ROS1: variants seen among roughly 807,000 people sequenced by gnomAD.
The protein encoded by ROS1 is ROS proto-oncogene 1, receptor tyrosine kinase.
Under a neutral mutation model 273.5 loss-of-function variants are expected in ROS1, and 263 were observed. That is an observed-to-expected ratio of 0.96 (90% CI 0.87 to 1.06). The LOEUF is 1.06. Ranked by LOEUF, ROS1 falls within the 50% of genes least tolerant of loss-of-function variation. ROS1 has a pLI of 0.00. For missense variants in ROS1, 2,833 were observed against 2,751.1 expected (o/e 1.03, Z -0.67); for synonymous variants, 1,008 against 954.1 (o/e 1.06, Z -1.04).
chr6:117,300,086 C>CTTTTTTTTTTTTTTTTTTTTTTTTTTTTT (rs10700318), intron 43 of ROS1, among the ~76,000 whole-genome samples: 1 of 31,836 alleles, frequency 3.1e-5, no homozygotes, highest in African/African-American at 1.3e-4. Flanking sequence ...CCAGGACAGG[C>CTTTTTTTTTTTTTTTTTTTTTTTTTTTTT]TTTTTTTTTT....
At chr6:117,389,243 C>G (rs1772844293) in intron 13 of ROS1, 107 bp downstream of exon 13, 4 of 1,318,280 alleles carry the variant, frequency 3.0e-6, no homozygotes. Context: ...TGGTTGATGA[C>G]TGAATAGCCA....
intron 42 of ROS1, among the ~76,000 whole-genome samples, chr6:117,301,949 T>C (rs887359771): frequency 6.6e-6 from 1 of 152,286 alleles, no homozygotes; most frequent in South Asian, 2.1e-4. Flanking sequence ...TAAGTAGTAT[T>C]CATTCATTCA....
In ROS1 at chr6:117,389,632, G is replaced by A. The variant is rs756348072; in HGVS notation, c.1504C>T (p.Arg502Cys). 1.4e-5 allele frequency: 23 copies of A among 1,614,070 alleles called. No individual in the cohort carries two copies. The highest frequency in any genetic ancestry group is 1.2e-4 in the South Asian group (11 of 91,084). ...CTTTTCACATCAGCAAAGGGGATGC[G>A]AGGTAGGATGAGATGGGAAGCAGAG... Reference protein sequence around the residue: ...DGSASHLILPRIPFADVKSFA... With the variant: ...DGSASHLILPCIPFADVKSFA... Residue 502 changes from arginine to cysteine, a missense_variant, in exon 13 of 44, where the codon CGC becomes TGC. Coordinates refer to ENST00000368507, the MANE Select transcript of ROS1 (RefSeq NM_001378902.1).
intron 27 of ROS1, among the ~76,000 whole-genome samples, chr6:117,350,629 A>G (rs1344554072): frequency 2.7e-5 from 4 of 148,270 alleles, no homozygotes; most frequent in Non-Finnish European, 4.5e-5. Context: ...TATTATACCT[A>G]TCTTACACCT....
rs1425381413 is a variant in ROS1, at chr6:117,347,044, C to T, written c.4304-2782G>A. Among the ~76,000 whole-genome samples, 8 of 152,272 alleles carry T rather than the reference C, an allele frequency of 5.3e-5. No homozygotes were observed. The East Asian group carries it at 1.5e-3, about 29-fold the overall frequency. On this transcript the variant is annotated intron_variant, in intron 27 of 43. Coordinates refer to ENST00000368507, the MANE Select transcript of ROS1 (RefSeq NM_001378902.1). ...TTCAATACTGTGATAGCTACCTATTCTAGGTCTTTTGCCTCTCCATATAAA... is the reference window on the plus strand; with the variant it reads ...TTCAATACTGTGATAGCTACCTATTTTAGGTCTTTTGCCTCTCCATATAAA...
intron 3 of ROS1, 59 bp downstream of exon 3, chr6:117,416,199 C>G (rs955247071): frequency 9.5e-7 from 1 of 1,053,460 alleles, no homozygotes. Context: ...AATCCTCTTA[C>G]ACAAATTTCC....
rs1420974283 is a variant in ROS1, at chr6:117,321,313, T to A, written c.5705A>T (p.Glu1902Val). 1 of 1,613,816 alleles carries A rather than the reference T, an allele frequency of 6.2e-7. No homozygotes were observed. The highest frequency in any genetic ancestry group is 8.5e-7 in the Non-Finnish European group (1 of 1,179,828). ...VLINEDKELAELRGLAAGVGL... is the reference protein window; with the variant it reads ...VLINEDKELAVLRGLAAGVGL... Reference sequence around the variant, plus strand: ...TACTCCGGCTGCCAGACCTCGCAGCTCAGCCAACTCTTTGTCTTCGTTTAT... The same window carrying A: ...TACTCCGGCTGCCAGACCTCGCAGCACAGCCAACTCTTTGTCTTCGTTTAT... Residue 1902 changes from glutamate (E) to valine (V), a missense_variant, in exon 36 of 44, where the codon GAG becomes GTG. Physicochemically the swap from Glu to Val is moderately radical, Grantham distance 121 (BLOSUM62 -2). Transcript: ENST00000368507.
chr6:117,385,825 T>A lies in ROS1; in HGVS notation c.2147A>T (p.Asp716Val). 3 of 1,614,222 alleles carry A rather than the reference T, an allele frequency of 1.9e-6. No individual in the cohort carries two copies. The highest frequency in any genetic ancestry group is 2.2e-5 in the East Asian group (1 of 44,878). ...DWYNNSLYYS[D>V]TKGDVFVWLL... ...CCACACAAAAACGTCGCCTTTCGTG[T>A]CACTGTAGTAGAGGCTGTTGTTATA... Residue 716 changes from aspartate to valine, a missense_variant, in exon 16 of 44, where the codon GAC (aspartate) becomes GTC (valine). Physicochemically the swap from Asp to Val is radical, Grantham distance 152. Transcript: ENST00000368507.
In ROS1 at chr6:117,288,814, AT is replaced by A. The variant is rs769052332; in HGVS notation, c.6716-13del. Reference sequence around the variant, plus strand: ...ATCGCCATCTTCACCTGTGAAAAAAATATGAATGTTATTCTAGCATGTATTT... The same window carrying A: ...ATCGCCATCTTCACCTGTGAAAAAAAATGAATGTTATTCTAGCATGTATTT... On this transcript the variant is annotated splice_polypyrimidine_tract_variant and intron_variant, in intron 43 of 43. Coordinates refer to ENST00000368507, the MANE Select transcript of ROS1 (RefSeq NM_001378902.1). 5 of 1,571,398 alleles carry A rather than the reference AT, an allele frequency of 3.2e-6. No individual in the cohort carries two copies. Among genetic ancestry groups the A allele is most frequent in the South Asian group, 1.2e-5 (1 of 84,860 alleles).
chr6:117,374,135 A>T (rs549643075), intron 18 of ROS1, among the ~76,000 whole-genome samples: 16 of 152,218 alleles, frequency 1.1e-4, no homozygotes, highest in Non-Finnish European at 2.4e-4. Context: ...AACAAGAGAG[A>T]ACAATCCTAA....
chr6:117,340,576 G>T (rs1385269457), intron 31 of ROS1, among the ~76,000 whole-genome samples: 1 of 152,090 alleles, frequency 6.6e-6, no homozygotes, highest in African/African-American at 2.4e-5. Flanking sequence ...CCCCATCAAT[G>T]AATTAATCAG....
At chr6:117,303,849 T>C (rs955847022) in intron 42 of ROS1, among the ~76,000 whole-genome samples, 17 of 152,128 alleles carry the variant, frequency 1.1e-4, no homozygotes, top group Admixed American at 1.3e-4. Flanking sequence ...AATCACTAGG[T>C]AACGATGGCC....
chr6:117,328,602 A>G, intron 33 of ROS1: 1 of 445,854 alleles, frequency 2.2e-6, no homozygotes, highest in African/African-American at 1.9e-5. Context: ...TGCCAGGACT[A>G]TAATTATGGA....
chr6:117,409,552 A>T (rs1177592152), intron 5 of ROS1, 30 bp downstream of exon 5: 1 of 1,573,542 alleles, frequency 6.4e-7, no homozygotes, highest in South Asian at 1.1e-5. Flanking sequence ...GGTGCAGCCT[A>T]TTTTTTAAAA....
chr6:117,342,547 G>T lies in ROS1; in HGVS notation c.4507-3C>A. The T allele has an allele frequency of 6.9e-7, 1 of 1,455,568 alleles. No homozygotes were observed. Among genetic ancestry groups the T allele is most frequent in the Non-Finnish European group, 9.2e-7 (1 of 1,088,646 alleles). The allele number at this position is 1,455,568 out of a possible 1,614,324, so 90.2% of individuals were successfully genotyped here. On this transcript the variant is annotated splice_polypyrimidine_tract_variant and splice_region_variant and intron_variant, in intron 28 of 43. Coordinates refer to ENST00000368507, the MANE Select transcript of ROS1 (RefSeq NM_001378902.1). Reference sequence around the variant, plus strand: ...AGAGCTATACTGTCCTGAAATTCCTGTAATTGATTTTTTAAAAATCAACAT... The same window carrying T: ...AGAGCTATACTGTCCTGAAATTCCTTTAATTGATTTTTTAAAAATCAACAT...
intron 35 of ROS1, among the ~76,000 whole-genome samples, chr6:117,321,625 C>A (rs965448342): frequency 6.6e-6 from 1 of 152,052 alleles, no homozygotes; most frequent in African/African-American, 2.4e-5. Context: ...AATCTCACTT[C>A]TTAAAATTTA....
chr6:117,399,564 A>G (rs1247449907), intron 7 of ROS1, among the ~76,000 whole-genome samples: 5 of 152,196 alleles, frequency 3.3e-5, no homozygotes, highest in Non-Finnish European at 7.3e-5. Flanking sequence ...CTCTCTGCAC[A>G]TAGGCACATC....
intron 18 of ROS1, among the ~76,000 whole-genome samples, chr6:117,369,909 G>C (rs9387467): frequency 6.6e-6 from 1 of 151,864 alleles, no homozygotes; most frequent in Non-Finnish European, 1.5e-5. Flanking sequence ...GCATCCACGT[G>C]CATACACATA....
chr6:117,288,694 C>G lies in ROS1; in HGVS notation c.6824G>C (p.Cys2275Ser), dbSNP rs758340327. The G allele has an allele frequency of 6.2e-7, 1 of 1,614,156 alleles. No homozygotes were observed. Among genetic ancestry groups the G allele is most frequent in the Non-Finnish European group, 8.5e-7 (1 of 1,180,010 alleles). ...GLNYMVLATE[C>S]GQGEEKSEGP... ...CTCAGACTTTTCTTCACCTTGGCCACATTCTGTAGCAAGTACCATATAGTT... is the reference window on the plus strand; with the variant it reads ...CTCAGACTTTTCTTCACCTTGGCCAGATTCTGTAGCAAGTACCATATAGTT... The change falls in exon 44 of 44, where the codon TGT (cysteine) becomes TCT (serine). Residue 2275 changes from cysteine to serine, a missense_variant. By Grantham distance (112) the Cys-to-Ser change is moderately radical (BLOSUM62 -1). Transcript: ENST00000368507.
Sources: allele counts gnomAD v4.1 joint callset (sites outside exome capture counted in the v4.1 genomes callset), GRCh38; gene constraint gnomAD v4.1.1; transcripts MANE v1.5; gene names NCBI Gene and HGNC (gene_info 2026-07-23, HGNC 2026-07-21).